Variants in TBXAS1 observed in about 807,000 individuals in gnomAD.
The protein encoded by TBXAS1 is thromboxane A synthase 1.
A neutral mutation model predicts 60.7 loss-of-function variants in TBXAS1; 48 were observed. The ratio of observed to expected loss-of-function variants is 0.79; its 90% confidence interval spans 0.63 to 1.01. The LOEUF (loss-of-function observed/expected upper bound fraction) is 1.01, where lower values mean the gene tolerates loss of function less well. TBXAS1 is among the 50% of genes least tolerant of loss of function. The pLI is 0.00. For missense variants in TBXAS1, 685 were observed against 686.3 expected (o/e 1.00, Z 0.02); for synonymous variants, 287 against 269.7 (o/e 1.06, Z -0.63).
At chr7:139,995,915 C>T (rs1210373789) in intron 9 of TBXAS1, among the ~76,000 whole-genome samples, 7 of 152,142 alleles carry the variant, frequency 4.6e-5, no homozygotes, top group Admixed American at 3.9e-4. Context: ...TCTCATTCAT[C>T]CCCTCTCTAA....
chr7:139,897,471 G>C (rs1346484014), intron 3 of TBXAS1, among the ~76,000 whole-genome samples: 4 of 152,138 alleles, frequency 2.6e-5, no homozygotes, highest in Non-Finnish European at 4.4e-5. Context: ...AGGGTGTTCA[G>C]TAAAGAAGCA....
At chr7:139,894,282 G>A (rs1244634368) in intron 3 of TBXAS1, among the ~76,000 whole-genome samples, 1 of 152,190 alleles carries the variant, frequency 6.6e-6, no homozygotes. Context: ...TGGCTGGGTT[G>A]GGGTGGTTAG....
intron 3 of TBXAS1, among the ~76,000 whole-genome samples, chr7:139,893,379 A>G (rs1803805997): frequency 7.5e-6 from 1 of 132,878 alleles, no homozygotes; most frequent in South Asian, 2.5e-4. Context: ...GCTCCCTTCA[A>G]TACCCCCGAA....
chr7:139,866,588 TAA>T (rs574216852), intron 1 of TBXAS1, among the ~76,000 whole-genome samples: 54 of 121,222 alleles, frequency 4.5e-4, no homozygotes, highest in African/African-American at 8.3e-4. Flanking sequence ...ACCCTGTTTC[TAA>T]AAAAAAAAAA....
chr7:139,849,125 G>A (rs1015814679), intron 1 of TBXAS1, among the ~76,000 whole-genome samples: 3 of 152,022 alleles, frequency 2.0e-5, no homozygotes, highest in Non-Finnish European at 4.4e-5. Flanking sequence ...TCTTTTGGGA[G>A]GCTCACTTTG....
chr7:139,917,845 A>G (rs1806128991), intron 4 of TBXAS1, among the ~76,000 whole-genome samples: 1 of 152,180 alleles, frequency 6.6e-6, no homozygotes, highest in Non-Finnish European at 1.5e-5. Flanking sequence ...ATATTTTTTT[A>G]ACAAAAAGAA....
chr7:139,933,690 A>G (rs1246417241), intron 4 of TBXAS1, among the ~76,000 whole-genome samples: 1 of 152,230 alleles, frequency 6.6e-6, no homozygotes, highest in African/African-American at 2.4e-5. Context: ...ATATTTTATC[A>G]GAAAATTATA....
chr7:139,784,112 C>T (rs752641322), intron 3 of TBXAS1, among the ~76,000 whole-genome samples: 2 of 147,158 alleles, frequency 1.4e-5, no homozygotes, highest in African/African-American at 2.6e-5. Flanking sequence ...ATACTCCTAG[C>T]CTGCCTTCCT....
At chr7:139,810,302 G>A (rs1482595588) in intron 4 of TBXAS1, among the ~76,000 whole-genome samples, 4 of 152,104 alleles carry the variant, frequency 2.6e-5, no homozygotes. Flanking sequence ...CCTTCCAAAA[G>A]GGATTACAGA....
intron 5 of TBXAS1, among the ~76,000 whole-genome samples, chr7:139,944,942 C>T (rs952905800): frequency 7.2e-5 from 11 of 152,156 alleles, no homozygotes; most frequent in Admixed American, 2.6e-4. Flanking sequence ...AAGATCTGCA[C>T]AGAATGACCT....
At chr7:139,808,251 T>G (rs2116387832) in intron 4 of TBXAS1, among the ~76,000 whole-genome samples, 1 of 151,904 alleles carries the variant, frequency 6.6e-6, no homozygotes, top group East Asian at 1.9e-4. Flanking sequence ...GGTAGGAGAA[T>G]CACTTGAGCC....
chr7:139,952,725 T>C, intron 5 of TBXAS1: 1 of 1,482,880 alleles, frequency 6.7e-7, no homozygotes, highest in South Asian at 1.3e-5. Flanking sequence ...AGTATTTTCC[T>C]ATTAAAAAAA....
intron 4 of TBXAS1, among the ~76,000 whole-genome samples, chr7:139,803,810 C>A (rs1797777062): frequency 6.6e-6 from 1 of 152,172 alleles, no homozygotes; most frequent in South Asian, 2.1e-4. Context: ...TTTGAGCCTG[C>A]AGGTGCAAAA....
intron 1 of TBXAS1, among the ~76,000 whole-genome samples, chr7:139,871,202 T>G (rs1175418392): frequency 6.6e-6 from 1 of 152,154 alleles, no homozygotes; most frequent in Admixed American, 6.5e-5. Context: ...GATCAAAGAG[T>G]ATAGCAAATA....
At chr7:139,971,153 T>C (rs1439574717) in intron 9 of TBXAS1, among the ~76,000 whole-genome samples, 1 of 152,190 alleles carries the variant, frequency 6.6e-6, no homozygotes, top group Admixed American at 6.5e-5. Flanking sequence ...TGGAAGCATC[T>C]GGCCCTGGGA....
chr7:139,802,754 A>G (rs1166369746), intron 4 of TBXAS1, among the ~76,000 whole-genome samples: 1 of 152,214 alleles, frequency 6.6e-6, no homozygotes, highest in Non-Finnish European at 1.5e-5. Context: ...ACTGCACTCC[A>G]GTCTGGGTGA....
intron 9 of TBXAS1, among the ~76,000 whole-genome samples, chr7:139,982,524 AT>A (rs1260923868): frequency 6.6e-6 from 1 of 152,178 alleles, no homozygotes; most frequent in African/African-American, 2.4e-5. Flanking sequence ...TGTTTTCCAG[AT>A]TTTTTGGACT....
chr7:139,980,361 A>G (rs1811876518), intron 9 of TBXAS1, among the ~76,000 whole-genome samples: 2 of 152,142 alleles, frequency 1.3e-5, no homozygotes, highest in Non-Finnish European at 2.9e-5. Context: ...TTGAGAATCA[A>G]TGCGAATCAT....
At chr7:139,814,222 C>A (rs1237283200) in intron 4 of TBXAS1, among the ~76,000 whole-genome samples, 2 of 152,184 alleles carry the variant, frequency 1.3e-5, no homozygotes, top group Admixed American at 1.3e-4. Flanking sequence ...ATGGCTCAGA[C>A]AATTGGTTTG....
Sources: allele counts gnomAD v4.1 joint callset (sites outside exome capture counted in the v4.1 genomes callset), GRCh38; gene constraint gnomAD v4.1.1; transcripts MANE v1.5; gene names NCBI Gene and HGNC (gene_info 2026-07-23, HGNC 2026-07-21).